The following GLIS3 variants were observed in gnomAD, a reference collection of about 807,000 sequenced individuals.
GLIS3 encodes GLIS family zinc finger 3.
In GLIS3, 53 loss-of-function variants were observed where a neutral mutation model predicts 78.6. The observed-to-expected ratio is 0.67, with a 90% CI of 0.54 to 0.85. The LOEUF is 0.85. GLIS3 is among the 40% of genes least tolerant of loss of function. The probability of loss-of-function intolerance (pLI) is 0.00; values close to 1 mark genes in which losing one functional copy is unlikely to be tolerated. For missense variants in GLIS3, 1,703 were observed against 1,231.1 expected (o/e 1.38, Z -5.74); for synonymous variants, 684 against 509.9 (o/e 1.34, Z -4.60).
At chr9:4,407,769 C>G in the GLIS3 span, among the ~76,000 whole-genome samples, 1 of 152,254 alleles carries the variant, frequency 6.6e-6, no homozygotes, top group East Asian at 1.9e-4. Context: ...CACATAGAAT[C>G]ACATCAAGTT....
At chr9:4,057,299 C>T (rs184169890) in intron 4 of GLIS3, among the ~76,000 whole-genome samples, 105 of 152,120 alleles carry the variant, frequency 6.9e-4, no homozygotes, top group Middle Eastern at 3.4e-3. Context: ...AACAAGGGGC[C>T]CCACATTTTC....
intron 2 of GLIS3, among the ~76,000 whole-genome samples, chr9:4,280,821 C>T (rs1827476972): frequency 6.6e-6 from 1 of 151,880 alleles, no homozygotes; most frequent in Non-Finnish European, 1.5e-5. Flanking sequence ...TAGAAGAAGA[C>T]TAAAGAAAGC....
intron 2 of GLIS3, among the ~76,000 whole-genome samples, chr9:4,322,323 G>A (rs1817543467): frequency 6.6e-6 from 1 of 152,150 alleles, no homozygotes; most frequent in African/African-American, 2.4e-5. Flanking sequence ...GTTGTGAATA[G>A]TGCCACAATA....
At chr9:4,076,361 T>C (rs1828053556) in intron 4 of GLIS3, among the ~76,000 whole-genome samples, 1 of 152,212 alleles carries the variant, frequency 6.6e-6, no homozygotes, top group Non-Finnish European at 1.5e-5. Context: ...GAAGGGAAAC[T>C]GTGATCCTAT....
intron 4 of GLIS3, among the ~76,000 whole-genome samples, chr9:4,039,652 C>T (rs1172062945): frequency 6.6e-6 from 1 of 152,186 alleles, no homozygotes; most frequent in East Asian, 1.9e-4. Context: ...AAGCCTGACC[C>T]AGAGCCTGCC....
At chr9:4,389,124 G>C in the GLIS3 span, among the ~76,000 whole-genome samples, 12 of 152,214 alleles carry the variant, frequency 7.9e-5, no homozygotes, top group African/African-American at 2.7e-4. Flanking sequence ...CTGCATGTTT[G>C]ATGTGCATTA....
intron 4 of GLIS3, among the ~76,000 whole-genome samples, chr9:4,021,976 C>A (rs1563956663): frequency 6.6e-6 from 1 of 152,146 alleles, no homozygotes; most frequent in African/African-American, 2.4e-5. Context: ...AATAGCGGCT[C>A]GGTTAGTGTG....
intron 9 of GLIS3, among the ~76,000 whole-genome samples, chr9:3,854,145 G>A (rs563347122): frequency 6.6e-6 from 1 of 152,304 alleles, no homozygotes; most frequent in Admixed American, 6.5e-5. Flanking sequence ...CAGGGGACCT[G>A]GTTCTCTTTC....
At chr9:3,899,355 G>T (rs1202867409) in intron 6 of GLIS3, among the ~76,000 whole-genome samples, 1 of 151,648 alleles carries the variant, frequency 6.6e-6, no homozygotes, top group Non-Finnish European at 1.5e-5. Context: ...GTGATTAACA[G>T]TAACAAAACT....
chr9:4,213,458 C>T (rs573261711), intron 2 of GLIS3, among the ~76,000 whole-genome samples: 1 of 152,224 alleles, frequency 6.6e-6, no homozygotes, highest in African/African-American at 2.4e-5. Context: ...AGTAGAACTT[C>T]TGATGATGAT....
chr9:4,094,391 A>C (rs1333253082), intron 4 of GLIS3, among the ~76,000 whole-genome samples: 1 of 152,118 alleles, frequency 6.6e-6, no homozygotes, highest in Non-Finnish European at 1.5e-5. Flanking sequence ...CCTCTGTTTT[A>C]ATTTTTGTTT....
At chr9:4,409,930 A>C in the GLIS3 span, among the ~76,000 whole-genome samples, 9 of 152,286 alleles carry the variant, frequency 5.9e-5, no homozygotes, top group South Asian at 1.9e-3. Flanking sequence ...CAGTATACAT[A>C]AACACAGAAA....
At chr9:4,368,968 GAACA>G in the GLIS3 span, among the ~76,000 whole-genome samples, 10 of 152,142 alleles carry the variant, frequency 6.6e-5, no homozygotes, top group South Asian at 4.1e-4. Flanking sequence ...TAATTAAACA[GAACA>G]AACAATGGGA....
intron 9 of GLIS3, among the ~76,000 whole-genome samples, chr9:3,835,460 T>C (rs551397375): frequency 5.4e-4 from 82 of 152,358 alleles, no homozygotes; most frequent in African/African-American, 1.9e-3. Context: ...ATATGTCAGA[T>C]GGGAAAACCC....
chr9:4,035,257 T>A (rs944849619), intron 4 of GLIS3, among the ~76,000 whole-genome samples: 4 of 152,130 alleles, frequency 2.6e-5, no homozygotes, highest in Admixed American at 2.6e-4. Flanking sequence ...AGACTTGGAT[T>A]ACTTGTTAGA....
chr9:4,400,839 A>G, the GLIS3 span, among the ~76,000 whole-genome samples: 68 of 152,314 alleles, frequency 4.5e-4, no homozygotes, highest in African/African-American at 1.6e-3. Flanking sequence ...ACTGCATTGA[A>G]GGGAATGACT....
chr9:4,423,772 G>C, the GLIS3 span, among the ~76,000 whole-genome samples: 5 of 151,996 alleles, frequency 3.3e-5, no homozygotes, highest in Admixed American at 2.0e-4. Context: ...TATCTTTCCT[G>C]GTATTTCTAG....
chr9:4,467,760 A>G, the GLIS3 span, among the ~76,000 whole-genome samples: 1 of 152,182 alleles, frequency 6.6e-6, no homozygotes, highest in Non-Finnish European at 1.5e-5. Flanking sequence ...CTCGCCATCA[A>G]TGGAACAAAG....
At position 4,318,442 on chromosome 9, in the gene GLIS3, C is replaced by T. The variant is rs951754763; in HGVS notation, n.265-7914G>A. Among the ~76,000 whole-genome samples, 4 of 151,962 alleles carry T rather than the reference C, an allele frequency of 2.6e-5. No individual in the cohort carries two copies. In the East Asian group the frequency reaches 5.8e-4, roughly 22 times the overall value. On this transcript the variant is annotated intron_variant and non_coding_transcript_variant, in intron 2 of 4. Coordinates refer to the GLIS3 transcript ENST00000471664. ...GGACTAGGGCAGGGAAAGTACAAAG[C>T]GAGCCGTAAGCATCTTGTGACAGAA...
Sources: allele counts gnomAD v4.1 joint callset (sites outside exome capture counted in the v4.1 genomes callset), GRCh38; gene constraint gnomAD v4.1.1; transcripts MANE v1.5; gene names NCBI Gene and HGNC (gene_info 2026-07-23, HGNC 2026-07-21).